The following CHSY3 variants were observed in gnomAD, a reference collection of about 807,000 sequenced individuals.
CHSY3 encodes N-acetylgalactosaminyl-proteoglycan 3-beta-glucuronosyltransferase 3.
Under a neutral mutation model 67.2 loss-of-function variants are expected in CHSY3, and 35 were observed. The ratio of observed to expected loss-of-function variants is 0.52; its 90% CI spans 0.40 to 0.69. CHSY3 has a LOEUF of 0.69. Among genes scored for constraint, CHSY3 ranks in the 30% least tolerant of loss-of-function variants. CHSY3 has a pLI of 0.00. For missense variants in CHSY3, 1,069 were observed against 1,138.5 expected, an observed-to-expected ratio of 0.94 and a Z score of 0.88; for synonymous variants, 474 against 434.7, an observed-to-expected ratio of 1.09 and a Z score of -1.12.
intron 2 of CHSY3, among the ~76,000 whole-genome samples, chr5:130,182,570 A>G (rs1468712752): frequency 2.6e-5 from 4 of 152,138 alleles, no homozygotes; most frequent in African/African-American, 9.6e-5. Flanking sequence ...CACATACCCA[A>G]AAGTCTTGCA....
At chr5:130,141,661 G>A (rs761707456) in intron 2 of CHSY3, 14 of 527,028 alleles carry the variant, frequency 2.7e-5, no homozygotes, top group East Asian at 1.0e-4. Context: ...CTATGCATTC[G>A]ATATGAAAGC....
chr5:130,143,732 G>GACA (rs1768951047), intron 2 of CHSY3, among the ~76,000 whole-genome samples: 1 of 99,272 alleles, frequency 1.0e-5, no homozygotes, highest in Admixed American at 1.1e-4. Flanking sequence ...GTGTGTGTGT[G>GACA]TGTATATATA....
At chr5:130,077,924 T>C (rs1766325417) in intron 2 of CHSY3, among the ~76,000 whole-genome samples, 1 of 152,086 alleles carries the variant, frequency 6.6e-6, no homozygotes. Context: ...AAACTATTTC[T>C]AAAGAAACCT....
intron 2 of CHSY3, among the ~76,000 whole-genome samples, chr5:130,025,464 A>G (rs1417165879): frequency 6.6e-6 from 1 of 152,140 alleles, no homozygotes; most frequent in East Asian, 1.9e-4. Context: ...GGCTCACAAA[A>G]TAGATGTGCC....
At chr5:130,072,270 C>A (rs928893713) in intron 2 of CHSY3, among the ~76,000 whole-genome samples, 1 of 152,034 alleles carries the variant, frequency 6.6e-6, no homozygotes, top group East Asian at 1.9e-4. Flanking sequence ...CTCCTTATAG[C>A]TTTACAGTTT....
intron 2 of CHSY3, among the ~76,000 whole-genome samples, chr5:129,915,243 CATT>C (rs1219046515): frequency 1.3e-5 from 2 of 152,086 alleles, no homozygotes; most frequent in African/African-American, 4.8e-5. Flanking sequence ...TTACATGAGT[CATT>C]ATCTGATATT....
chr5:130,089,565 G>C (rs544814064), intron 2 of CHSY3, among the ~76,000 whole-genome samples: 1 of 152,128 alleles, frequency 6.6e-6, no homozygotes, highest in African/African-American at 2.4e-5. Flanking sequence ...TTCAGCATCA[G>C]ATCTATTTGT....
At chr5:130,046,041 TA>T (rs1765137228) in intron 2 of CHSY3, among the ~76,000 whole-genome samples, 1 of 152,116 alleles carries the variant, frequency 6.6e-6, no homozygotes, top group African/African-American at 2.4e-5. Context: ...ATGCTAGCAA[TA>T]CTTAACTGCA....
In CHSY3 at chr5:129,956,317, CT is replaced by C. The variant is rs377256611; in HGVS notation, c.1086+47964del. On this transcript the variant is annotated intron_variant, in intron 2 of 2. Transcript: ENST00000305031. ...TTCTCTAACAATCCGTGATGTTGAG[CT>C]TTTTTTCATATGCTTGTTGGTCGTA... 4.3e-3 allele frequency among the ~76,000 whole-genome samples: 660 copies of C among 152,170 alleles called. 8 individuals are homozygous for C. The highest frequency in any genetic ancestry group is 0.016 in the African/African-American group (646 of 41,542).
intron 2 of CHSY3, among the ~76,000 whole-genome samples, chr5:130,174,336 A>T (rs1289352459): frequency 2.0e-5 from 3 of 152,000 alleles, no homozygotes; most frequent in Non-Finnish European, 4.4e-5. Flanking sequence ...AAACAAAATA[A>T]CTTTCAGATT....
chr5:130,032,248 G>A (rs1764724085), intron 2 of CHSY3, among the ~76,000 whole-genome samples: 1 of 152,136 alleles, frequency 6.6e-6, no homozygotes, highest in African/African-American at 2.4e-5. Flanking sequence ...TATTATAGAT[G>A]TGAGATATCC....
intron 2 of CHSY3, among the ~76,000 whole-genome samples, chr5:130,120,766 AAGAG>A (rs201808496): frequency 6.6e-6 from 1 of 152,034 alleles, no homozygotes; most frequent in East Asian, 1.9e-4. Context: ...AAAAACAAAA[AAGAG>A]AGAGAGAGAA....
chr5:130,020,648 C>A (rs533938148), intron 2 of CHSY3, among the ~76,000 whole-genome samples: 2 of 151,488 alleles, frequency 1.3e-5, no homozygotes, highest in Admixed American at 6.6e-5. Flanking sequence ...AATGTGAGTT[C>A]CCAGACAATT....
At chr5:130,059,628 A>C (rs2149675789) in intron 2 of CHSY3, among the ~76,000 whole-genome samples, 1 of 152,262 alleles carries the variant, frequency 6.6e-6, no homozygotes, top group South Asian at 2.1e-4. Flanking sequence ...CCATAAAATA[A>C]GAGTCCCAAG....
At chr5:129,967,700 A>C (rs1035142184) in intron 2 of CHSY3, among the ~76,000 whole-genome samples, 1 of 151,938 alleles carries the variant, frequency 6.6e-6, no homozygotes, top group Admixed American at 6.6e-5. Context: ...ATTATACAGA[A>C]GACGGTGAGT....
intron 2 of CHSY3, among the ~76,000 whole-genome samples, chr5:130,154,990 G>A (rs1297722002): frequency 3.3e-5 from 5 of 152,156 alleles, no homozygotes; most frequent in Non-Finnish European, 1.5e-5. Flanking sequence ...CACACTCTTC[G>A]ATGATGACCA....
At chr5:130,064,983 G>C (rs1035215014) in intron 2 of CHSY3, among the ~76,000 whole-genome samples, 20 of 152,106 alleles carry the variant, frequency 1.3e-4, no homozygotes, top group African/African-American at 4.8e-4. Flanking sequence ...TGCAAAAGTA[G>C]TTTCTTTCTC....
chr5:130,177,321 CT>C (rs989145973), intron 2 of CHSY3, among the ~76,000 whole-genome samples: 15 of 151,858 alleles, frequency 9.9e-5, no homozygotes, highest in African/African-American at 3.6e-4. Flanking sequence ...TGAACAATCC[CT>C]TCTTTTTGCC....
intron 2 of CHSY3, among the ~76,000 whole-genome samples, chr5:130,170,271 T>C (rs969289781): frequency 9.2e-5 from 14 of 152,136 alleles, no homozygotes; most frequent in African/African-American, 3.4e-4. Context: ...TCACTTAGGA[T>C]AATGGCCTCC....
Sources: gnomAD v4.1 joint callset for allele counts (sites outside exome capture counted in the v4.1 genomes callset) on GRCh38, gnomAD v4.1.1 for gene constraint, MANE v1.5 for transcripts, NCBI Gene and HGNC (gene_info 2026-07-23, HGNC 2026-07-21) for gene names.